The following DIDO1 variants were observed in gnomAD, a reference collection of about 807,000 sequenced individuals.
DIDO1 encodes death inducer-obliterator 1, also known as death-inducer obliterator 1.
In DIDO1, 16 loss-of-function variants were observed where a neutral mutation model predicts 99.4. The ratio of observed to expected loss-of-function variants is 0.16; its 90% CI spans 0.11 to 0.24. The LOEUF (loss-of-function observed/expected upper bound fraction) is 0.24, where lower values mean the gene tolerates loss of function less well. DIDO1 is among the 10% of genes least tolerant of loss of function. DIDO1 has a pLI of 1.00. For missense variants in DIDO1, 2,996 were observed against 3,014.0 expected (o/e 0.99, Z 0.14); for synonymous variants, 1,366 against 1,239.1 (o/e 1.10, Z -2.15).
At chr20:62,904,085 G>T (rs1022384919) in intron 6 of DIDO1, among the ~76,000 whole-genome samples, 6 of 152,226 alleles carry the variant, frequency 3.9e-5, no homozygotes, top group African/African-American at 1.4e-4. Context: ...GGTTGACACA[G>T]ATGGAAATTA....
rs935826756 is a variant in DIDO1, at chr20:62,902,648, T to C, written c.1588+3239A>G. Among the ~76,000 whole-genome samples, 6 of 152,224 alleles carry C rather than the reference T, an allele frequency of 3.9e-5. No homozygotes were observed. In the East Asian group the frequency reaches 1.2e-3, roughly 29 times the overall value. ...CTTCTGGAGCCCACACCATGAGTTA[T>C]CCTTGTGAACGGTGTTCTCCGTCCA... is the stretch of plus-strand genomic sequence containing the variant. On this transcript the variant is annotated intron_variant, in intron 6 of 15. Transcript: ENST00000395343.
intron 1 of DIDO1, among the ~76,000 whole-genome samples, chr20:62,937,086 T>C (rs559088390): frequency 1.1e-4 from 16 of 152,210 alleles, no homozygotes; most frequent in Non-Finnish European, 8.8e-5. Flanking sequence ...CCGACCGACA[T>C]AGCTTACACG....
chr20:62,882,427 A>G lies in DIDO1; in HGVS notation c.3542-13T>C, dbSNP rs1370269851. On this transcript the variant is annotated splice_polypyrimidine_tract_variant and intron_variant, in intron 15 of 15. Coordinates refer to ENST00000395343, the MANE Select transcript of DIDO1 (RefSeq NM_001193369.2). Reference sequence around the variant, plus strand: ...GGTGACTCAAGACCTGAAAAACAAAATATTTGTGCAAATTTTAGAATCTAA... The same window carrying G: ...GGTGACTCAAGACCTGAAAAACAAAGTATTTGTGCAAATTTTAGAATCTAA... 4.4e-6 allele frequency: 7 copies of G among 1,592,584 alleles called. No homozygotes were observed. The East Asian group carries it at 1.1e-4, about 26-fold the overall frequency.
rs1398427174 is a variant in DIDO1, at chr20:62,877,815, A to C, written c.*1418T>G. On this transcript the variant is annotated 3_prime_UTR_variant, in exon 16 of 16. Transcript: ENST00000395343. ...CCATGTTCTCATGTACAGTGATATA[A>C]GCCTCCGCAATATAAAATACAATGT... 6.6e-6 allele frequency: 1 copy of C among 152,250 alleles called. No individual in the cohort carries two copies. Among genetic ancestry groups the C allele is most frequent in the African/African-American group, 2.4e-5 (1 of 41,468 alleles). The allele number at this position is 152,250 out of a possible 1,614,324, so 9.4% of individuals were successfully genotyped here.
At chr20:62,935,811 G>A (rs1205991538) in intron 1 of DIDO1, among the ~76,000 whole-genome samples, 1 of 152,248 alleles carries the variant, frequency 6.6e-6, no homozygotes, top group African/African-American at 2.4e-5. Flanking sequence ...GTGAGAGGTA[G>A]TGACAGGACT....
At chr20:62,888,037 G>GC (rs2064325208) in intron 15 of DIDO1, 5 of 985,436 alleles carry the variant, frequency 5.1e-6, no homozygotes, top group Non-Finnish European at 6.0e-6. Context: ...TGAGGGTGCT[G>GC]CGGGGGCAGC....
intron 15 of DIDO1, chr20:62,889,552 C>T (rs2064357311): frequency 3.0e-6 from 3 of 985,354 alleles, no homozygotes; most frequent in African/African-American, 1.7e-5. Context: ...AGTGTCTGCA[C>T]TGAGTGCACA....
Position 62,891,108 on chromosome 20 carries a change from G to A in DIDO1, c.3393C>T (p.Val1131=), listed in dbSNP as rs372179149. 14 of 1,614,018 alleles carry A rather than the reference G, an allele frequency of 8.7e-6. No individual in the cohort carries two copies. Among genetic ancestry groups the A allele is most frequent in the African/African-American group, 2.7e-5 (2 of 74,936 alleles). ...RFHPATEEEE[V]AYISLYSYFS... ...AATAGGAGTAGAGAGAGATATAGGCGACCTCCTCTTCCTCTGTGGCGGGGT... is the reference window on the plus strand; with the variant it reads ...AATAGGAGTAGAGAGAGATATAGGCAACCTCCTCTTCCTCTGTGGCGGGGT... Residue 1131 remains valine (V), a synonymous_variant, in exon 15 of 16, where the codon GTC becomes GTT. Transcript: ENST00000395343.
Position 62,880,555 on chromosome 20 carries a change from C to G in DIDO1, c.5401G>C (p.Gly1801Arg). Reference sequence around the variant, plus strand: ...GAAGGGATGGGCCCCTTCTGGGCTCCGAATCTGGCTGGCGGAGGCCCTCGT... The same window carrying G: ...GAAGGGATGGGCCCCTTCTGGGCTCGGAATCTGGCTGGCGGAGGCCCTCGT... ...GPRGPPPARFGAQKGPIPSLF... is the reference protein window; with the variant it reads ...GPRGPPPARFRAQKGPIPSLF... The change falls in exon 16 of 16, where the codon GGA becomes CGA. Residue 1801 changes from glycine (G) to arginine (R), a missense_variant. Physicochemically the swap from Gly to Arg is moderately radical, Grantham distance 125 (BLOSUM62 -2). Transcript: ENST00000395343. The G allele has an allele frequency of 6.2e-7, 1 of 1,613,022 alleles. No homozygotes were observed. The highest frequency in any genetic ancestry group is 8.5e-7 in the Non-Finnish European group (1 of 1,180,006).
chr20:62,911,027 C>A lies in DIDO1; in HGVS notation c.586G>T (p.Gly196Cys), dbSNP rs2064923968. The A allele has an allele frequency of 1.9e-6, 3 of 1,613,854 alleles. No individual in the cohort carries two copies. The highest frequency in any genetic ancestry group is 1.7e-5 in the Admixed American group (1 of 60,036). The change falls in exon 3 of 16, where the codon GGT becomes TGT. Residue 196 changes from glycine to cysteine, a missense_variant. Gly to Cys is a radical substitution (Grantham distance 159, BLOSUM62 -3). Coordinates refer to ENST00000395343, the MANE Select transcript of DIDO1 (RefSeq NM_001193369.2). The surrounding 1 kb of genome is among the most constrained non-coding windows in gnomAD (Gnocchi z 7.0). ...TCGGAGCCCACAGTCTCGGCGGGAC[C>A]CTCCTCCCGGCGCTTCTTCCGCAGG... Reference protein sequence around the residue: ...SRLRKKRREEGPAETVGSEAS... With the variant: ...SRLRKKRREECPAETVGSEAS...
chr20:62,881,657 G>A lies in DIDO1; in HGVS notation c.4299C>T (p.Ile1433=), dbSNP rs1304189851. The A allele has an allele frequency of 6.2e-7, 1 of 1,612,736 alleles. No individual in the cohort carries two copies. The highest frequency in any genetic ancestry group is 1.3e-5 in the African/African-American group (1 of 75,038). The change falls in exon 16 of 16, where the codon ATC becomes ATT. Residue 1433 remains isoleucine (I), a synonymous_variant. Transcript: ENST00000395343. The surrounding 1 kb of genome is among the most constrained non-coding windows in gnomAD (Gnocchi z 8.3). ...CAACAGTCACTTTCGCTTCTTCTAA[G>A]ATGGTCTCATCCTCGGGGTCATAGG... ...EVAYDPEDET[I]LEEAKVTVDD...
intron 14 of DIDO1, 42 bp downstream of exon 14, chr20:62,891,945 A>G: frequency 1.3e-6 from 2 of 1,551,142 alleles, no homozygotes; most frequent in African/African-American, 2.7e-5. Flanking sequence ...TTAAATCAAC[A>G]CAATTTTCCA....
intron 1 of DIDO1, among the ~76,000 whole-genome samples, chr20:62,935,044 T>A (rs1368793650): frequency 6.6e-6 from 1 of 152,198 alleles, no homozygotes; most frequent in Admixed American, 6.5e-5. Flanking sequence ...TTTAGATGTG[T>A]CCCACAGGCA....
chr20:62,897,383 C>T (rs1206106801), intron 6 of DIDO1, among the ~76,000 whole-genome samples: 2 of 152,222 alleles, frequency 1.3e-5, no homozygotes, highest in African/African-American at 2.4e-5. Context: ...CAAGTGCAAA[C>T]TGTTTGTAAA....
At chr20:62,937,195 G>A (rs1466373314) in intron 1 of DIDO1, among the ~76,000 whole-genome samples, 2 of 152,236 alleles carry the variant, frequency 1.3e-5, no homozygotes, top group Non-Finnish European at 2.9e-5. Context: ...ATCAGGAGCT[G>A]CCCCTCAAGG....
intron 15 of DIDO1, chr20:62,889,576 G>A: frequency 1.0e-6 from 1 of 985,442 alleles, no homozygotes; most frequent in Non-Finnish European, 1.2e-6. Context: ...TGTCGCACTT[G>A]CAACTGACCA....
intron 1 of DIDO1, among the ~76,000 whole-genome samples, chr20:62,932,417 G>C (rs1056476827): frequency 6.6e-6 from 1 of 152,198 alleles, no homozygotes; most frequent in African/African-American, 2.4e-5. Context: ...ATGTATGTGT[G>C]TATATTTACA....
upstream of DIDO1, chr20:62,929,325 G>T (rs972427559): frequency 6.6e-6 from 1 of 152,350 alleles, no homozygotes; most frequent in South Asian, 2.1e-4. Flanking sequence ...GAGGGGAGCA[G>T]CGGGGGAGGG....
At position 62,879,373 on chromosome 20, in the gene DIDO1, T is replaced by G. The variant is rs922446123; in HGVS notation, c.6583A>C (p.Arg2195=). ...CTGGCCTTGTCTCGGTCCCGCTCTC[T>G]GCTCCGGGACCGGTCCCGGTCGCGC... is the stretch of plus-strand genomic sequence containing the variant. The part of the protein sequence containing the change: ...RRRDRDRSRS[R]ERDRDKARDR... Residue 2195 remains arginine, a synonymous_variant, in exon 16 of 16, where the codon AGA becomes CGA. Coordinates refer to ENST00000395343, the MANE Select transcript of DIDO1 (RefSeq NM_001193369.2). The surrounding 1 kb of genome is among the most constrained non-coding windows in gnomAD (Gnocchi z 6.3). 2.6e-6 allele frequency: 4 copies of G among 1,546,720 alleles called. No homozygotes were observed. In the African/African-American group the frequency reaches 5.5e-5, roughly 21 times the overall value.
Sources: gnomAD v4.1 joint callset for allele counts (sites outside exome capture counted in the v4.1 genomes callset) on GRCh38, gnomAD v4.1.1 for gene constraint, Gnocchi (gnomAD v3.1) non-coding constraint, MANE v1.5 for transcripts, NCBI Gene and HGNC (gene_info 2026-07-23, HGNC 2026-07-21) for gene names.